CELF2: variants seen among roughly 807,000 people sequenced by gnomAD.
The protein encoded by CELF2 is CUGBP Elav-like family member 2, also known as CUG triplet repeat RNA-binding protein 2.
Under a neutral mutation model 62.6 loss-of-function variants are expected in CELF2, and 8 were observed. The observed-to-expected ratio is 0.13, with a 90% CI of 0.07 to 0.23. CELF2 has a LOEUF of 0.23. Among genes scored for constraint, CELF2 ranks in the 10% least tolerant of loss-of-function variants. The pLI is 1.00. For synonymous variants in CELF2, 258 were observed against 250.0 expected (o/e 1.03, Z -0.30); for missense variants, 333 against 671.0 (o/e 0.50, Z 5.56).
Position 11,159,811 on chromosome 10 carries a change from G to A in CELF2, c.75-5675G>A, listed in dbSNP as rs546090191. ...AACCAAACAAAGCCTGTTTCTTCGTGTGCTATTACTTAAGTACAAGTGATA... is the reference window on the plus strand; with the variant it reads ...AACCAAACAAAGCCTGTTTCTTCGTATGCTATTACTTAAGTACAAGTGATA... On this transcript the variant is annotated intron_variant, in intron 1 of 12. Transcript: ENST00000633077. This position sits in a 1 kb window ranked among gnomAD's most constrained non-coding sequence, Gnocchi z 5.0. Among the ~76,000 whole-genome samples the A allele has an allele frequency of 6.6e-6, 1 of 152,322 alleles. No homozygotes were observed. Among genetic ancestry groups the A allele is most frequent in the East Asian group, 1.9e-4 (1 of 5,186 alleles).
the CELF2 span, among the ~76,000 whole-genome samples, chr10:10,653,887 T>G: frequency 1.3e-5 from 2 of 151,004 alleles, no homozygotes; most frequent in East Asian, 2.0e-4. Flanking sequence ...TTGAAGGAAA[T>G]AGAGACACAA....
chr10:10,523,968 T>A, the CELF2 span, among the ~76,000 whole-genome samples: 2 of 152,196 alleles, frequency 1.3e-5, no homozygotes, highest in Non-Finnish European at 2.9e-5. Flanking sequence ...GCAACATTGC[T>A]ACAACCTCAA....
intron 1 of CELF2, among the ~76,000 whole-genome samples, chr10:11,087,327 A>AT: frequency 6.6e-6 from 1 of 152,166 alleles, no homozygotes; most frequent in East Asian, 1.9e-4. Flanking sequence ...AAGCATTGGT[A>AT]TTTTAAGCAG....
chr10:10,755,104 GAAA>G, the CELF2 span, among the ~76,000 whole-genome samples: 1 of 151,952 alleles, frequency 6.6e-6, no homozygotes, highest in Non-Finnish European at 1.5e-5. Flanking sequence ...TTGAAAGGGA[GAAA>G]AAAATAAGAG....
chr10:11,289,533 A>G (rs1252735113), intron 9 of CELF2, among the ~76,000 whole-genome samples: 1 of 152,190 alleles, frequency 6.6e-6, no homozygotes, highest in African/African-American at 2.4e-5. Flanking sequence ...CTCTGCATAA[A>G]ACATTGTGTA....
At chr10:10,774,554 C>T in the CELF2 span, among the ~76,000 whole-genome samples, 1 of 152,188 alleles carries the variant, frequency 6.6e-6, no homozygotes, top group Non-Finnish European at 1.5e-5. Context: ...CCCCCGCTCT[C>T]GCTCCTGCCA....
chr10:10,501,659 G>A, the CELF2 span, among the ~76,000 whole-genome samples: 8 of 151,988 alleles, frequency 5.3e-5, no homozygotes, highest in African/African-American at 1.9e-4. Context: ...CTGCAACTTT[G>A]CTGAACTCAC....
intron 1 of CELF2, among the ~76,000 whole-genome samples, chr10:10,821,920 T>G (rs2056997443): frequency 1.3e-5 from 2 of 152,198 alleles, no homozygotes; most frequent in African/African-American, 4.8e-5. Flanking sequence ...GGAGCCACCA[T>G]GCCCTGCTGG....
chr10:10,877,210 C>G (rs1167060132), intron 1 of CELF2, among the ~76,000 whole-genome samples: 1 of 152,232 alleles, frequency 6.6e-6, no homozygotes, highest in Non-Finnish European at 1.5e-5. Context: ...TGTGTGAACC[C>G]CAAATATCTG....
rs2094802524 is a variant in CELF2 at position 11,314,644 on chromosome 10, G to C, written c.1096+386G>C. ...AGGCTGGAAGCCTGAACCCAGCTCT[G>C]CTGCCAGGCAGCTGTGGGAAGTCAG... is the stretch of plus-strand genomic sequence containing the variant. On this transcript the variant is annotated intron_variant, in intron 10 of 12. Transcript: ENST00000633077. This position sits in a 1 kb window ranked among gnomAD's most constrained non-coding sequence, Gnocchi z 5.3. 9.2e-6 allele frequency: 3 copies of C among 327,852 alleles called. No homozygotes were observed. Among genetic ancestry groups the C allele is most frequent in the Admixed American group, 4.3e-5 (1 of 23,024 alleles). 20.3% of individuals were successfully genotyped at this position (327,852 alleles called of 1,614,324 possible). A position where few individuals can be genotyped will look rare whatever the true frequency, so the allele number is the denominator to read the frequency against.
the CELF2 span, among the ~76,000 whole-genome samples, chr10:10,521,185 G>A: frequency 6.6e-6 from 1 of 152,192 alleles, no homozygotes; most frequent in Non-Finnish European, 1.5e-5. Context: ...GTGAATTAAA[G>A]ACAGTGAGTC....
intron 1 of CELF2, among the ~76,000 whole-genome samples, chr10:11,126,436 C>CG (rs1194900020): frequency 6.6e-6 from 1 of 152,092 alleles, no homozygotes; most frequent in African/African-American, 2.4e-5. Flanking sequence ...ACTCACTAGA[C>CG]GTTTTCAAGA....
intron 9 of CELF2, among the ~76,000 whole-genome samples, chr10:11,307,613 C>A (rs1476885110): frequency 6.6e-6 from 1 of 152,132 alleles, no homozygotes; most frequent in Non-Finnish European, 1.5e-5. Context: ...GAATTCAGTG[C>A]CCTTCTTCTT....
At chr10:10,876,530 C>T (rs1292857088) in intron 1 of CELF2, among the ~76,000 whole-genome samples, 1 of 152,170 alleles carries the variant, frequency 6.6e-6, no homozygotes, top group African/African-American at 2.4e-5. Flanking sequence ...ACAAGCGTGT[C>T]TTCTAATGAG....
intron 1 of CELF2, among the ~76,000 whole-genome samples, chr10:10,811,653 G>A (rs1043165543): frequency 2.0e-5 from 3 of 152,180 alleles, no homozygotes; most frequent in African/African-American, 7.2e-5. Flanking sequence ...GGGAGGGCAG[G>A]GGCCTGTGTC....
At position 10,863,018 on chromosome 10, in the gene CELF2, C is replaced by T. The variant is rs540624422; in HGVS notation, c.54-56946C>T. Among the ~76,000 whole-genome samples the T allele has an allele frequency of 4.6e-5, 7 of 152,264 alleles. No homozygotes were observed. In the East Asian group the frequency reaches 1.3e-3, roughly 29 times the overall value. ...TGTCATCTACATAGACTTCACATTT[C>T]CTTAAAATGATGACAACAGTTGAAG... On this transcript the variant is annotated intron_variant, in intron 1 of 13. Coordinates refer to the CELF2 transcript ENST00000636488.
At chr10:10,923,423 C>T (rs1591970974) in intron 2 of CELF2, among the ~76,000 whole-genome samples, 1 of 152,202 alleles carries the variant, frequency 6.6e-6, no homozygotes, top group East Asian at 1.9e-4. Context: ...TTACGTGGTA[C>T]TAATTTAAAG....
the CELF2 span, among the ~76,000 whole-genome samples, chr10:10,602,414 C>T: frequency 2.6e-5 from 4 of 152,188 alleles, no homozygotes; most frequent in East Asian, 3.9e-4. Flanking sequence ...AACCATCAAA[C>T]TTTGTGCAAA....
At chr10:10,492,898 G>A in the CELF2 span, among the ~76,000 whole-genome samples, 2 of 87,232 alleles carry the variant, frequency 2.3e-5, no homozygotes, top group African/African-American at 7.1e-5. Flanking sequence ...TTGATAAGGG[G>A]AAATCCCTTT....
Sources: allele counts gnomAD v4.1 joint callset (sites outside exome capture counted in the v4.1 genomes callset), GRCh38; gene constraint gnomAD v4.1.1; non-coding constraint Gnocchi (gnomAD v3.1); transcripts MANE v1.5; gene names NCBI Gene and HGNC (gene_info 2026-07-23, HGNC 2026-07-21).